PLB1: variants seen among roughly 807,000 people sequenced by gnomAD.
PLB1 encodes phospholipase B1.
In PLB1, 242 loss-of-function variants were observed where a neutral mutation model predicts 227.4. The ratio of observed to expected loss-of-function variants is 1.06; its 90% CI spans 0.96 to 1.18. The LOEUF (loss-of-function observed/expected upper bound fraction) is 1.18. Among genes scored for constraint, PLB1 ranks in the 50% most tolerant of loss-of-function variants. PLB1 has a pLI of 0.00. For missense variants in PLB1, 1,858 were observed against 1,816.3 expected (o/e 1.02, Z -0.42); for synonymous variants, 757 against 682.2 (o/e 1.11, Z -1.71).
intron 4 of PLB1, among the ~76,000 whole-genome samples, chr2:28,523,986 C>T (rs1215896018): frequency 6.6e-6 from 1 of 152,132 alleles, no homozygotes; most frequent in Non-Finnish European, 1.5e-5. Flanking sequence ...TGTTTGTCTC[C>T]CTGGGAGATT....
chr2:28,540,517 G>C (rs2148207324), intron 12 of PLB1, 76 bp downstream of exon 12: 1 of 1,216,658 alleles, frequency 8.2e-7, no homozygotes, highest in Non-Finnish European at 1.2e-6. Context: ...GAGTGATAGG[G>C]ACAATTAGTT....
intron 41 of PLB1, 93 bp from the exon 42 acceptor site, chr2:28,605,760 A>G (rs965623735): frequency 9.4e-5 from 85 of 901,370 alleles, no homozygotes; most frequent in Middle Eastern, 2.3e-4. Flanking sequence ...AGGGGAAGGA[A>G]GGTGTTGAGT....
chr2:28,601,478 C>A (rs1052266304), intron 37 of PLB1, 146 bp downstream of exon 37: 26 of 650,808 alleles, frequency 4.0e-5, no homozygotes, highest in Non-Finnish European at 6.1e-5. Context: ...ACCACACACA[C>A]ACACACACAC....
At chr2:28,548,552 T>A in intron 14 of PLB1, 1 of 497,208 alleles carries the variant, frequency 2.0e-6, no homozygotes. Flanking sequence ...GTGCAGCTTT[T>A]CCTTCTAGGA....
rs1558679642 is a variant in PLB1, at chr2:28,529,769, AAG to A, written c.462_463del (p.Asn155ProfsTer4). Reference sequence around the variant, plus strand: ...GCTCAAGAACTGGTGAGAAACATGAAAGAGAACCTGGTAAGCATCCGTCCAAC... The same window carrying A: ...GCTCAAGAACTGGTGAGAAACATGAAAGAACCTGGTAAGCATCCGTCCAAC... On this transcript the variant is annotated frameshift_variant, in exon 8 of 58. Transcript: ENST00000327757. LOFTEE classifies it high-confidence loss of function. 5 of 1,614,112 alleles carry A rather than the reference AAG, an allele frequency of 3.1e-6. No homozygotes were observed. Among genetic ancestry groups the A allele is most frequent in the African/African-American group, 2.7e-5 (2 of 75,038 alleles).
intron 2 of PLB1, among the ~76,000 whole-genome samples, 171 bp downstream of exon 2, chr2:28,517,040 A>T (rs551180232): frequency 3.3e-5 from 5 of 152,270 alleles, no homozygotes; most frequent in South Asian, 4.1e-4. Context: ...TGTCCGGCAG[A>T]GTGTGTGTCC....
intron 22 of PLB1, among the ~76,000 whole-genome samples, chr2:28,578,373 G>A (rs1319235938): frequency 6.6e-6 from 1 of 152,238 alleles, no homozygotes; most frequent in Non-Finnish European, 1.5e-5. Flanking sequence ...GGCTGGGGCT[G>A]CAGATGCACA....
At chr2:28,602,764 G>A (rs776748758) in intron 38 of PLB1, 57 bp from the exon 39 acceptor site, 12 of 1,500,646 alleles carry the variant, frequency 8.0e-6, no homozygotes, top group Non-Finnish European at 1.1e-5. Context: ...GGGGCCCTGA[G>A]ACAGCCCCAG....
chr2:28,636,272 C>T (rs898447158), intron 56 of PLB1, among the ~76,000 whole-genome samples: 15 of 152,232 alleles, frequency 9.9e-5, no homozygotes, highest in African/African-American at 3.6e-4. Flanking sequence ...TTGGCCAGGC[C>T]AGGCTGGTCT....
At chr2:28,505,186 T>C (rs1434842544) in intron 1 of PLB1, among the ~76,000 whole-genome samples, 1 of 152,182 alleles carries the variant, frequency 6.6e-6, no homozygotes, top group African/African-American at 2.4e-5. Flanking sequence ...AGGTAACTTA[T>C]CCAAAATCAT....
chr2:28,604,552 C>A, intron 40 of PLB1, 103 bp from the exon 41 acceptor site: 2 of 792,536 alleles, frequency 2.5e-6, no homozygotes, highest in East Asian at 5.5e-5. Flanking sequence ...TGAGTCGGCC[C>A]CTCCATCCAG....
At chr2:28,628,529 A>C (rs375199505) in intron 51 of PLB1, 34 bp from the exon 52 acceptor site, 3 of 1,604,046 alleles carry the variant, frequency 1.9e-6, no homozygotes, top group South Asian at 1.1e-5. Flanking sequence ...AGCGGGCACC[A>C]GGGGCTAAAG....
chr2:28,541,603 G>A (rs1672492194), intron 12 of PLB1, 104 bp from the exon 13 acceptor site: 2 of 792,900 alleles, frequency 2.5e-6, no homozygotes, highest in African/African-American at 1.7e-5. Context: ...CAACGCAAGA[G>A]GCAGATCCTG....
intron 6 of PLB1, among the ~76,000 whole-genome samples, chr2:28,528,892 G>A (rs1670628089): frequency 6.6e-6 from 1 of 151,302 alleles, no homozygotes; most frequent in African/African-American, 2.4e-5. Context: ...CCATGCCTTG[G>A]AATAGGGGCG....
intron 56 of PLB1, among the ~76,000 whole-genome samples, chr2:28,635,703 AG>A (rs1689212685): frequency 6.7e-6 from 1 of 149,562 alleles, no homozygotes; most frequent in African/African-American, 2.4e-5. Flanking sequence ...ACTTTTGCAA[AG>A]GCAAAGCCAG....
rs764773653 is a variant in PLB1, at chr2:28,518,431, C to T, written c.118-35C>T. On this transcript the variant is annotated intron_variant, in intron 2 of 57. Transcript: ENST00000327757. Reference sequence around the variant, plus strand: ...GGACCTGCAATATTTCTATACAAGGCAGTTGATGTTTCTGATGTTCGTTTT... The same window carrying T: ...GGACCTGCAATATTTCTATACAAGGTAGTTGATGTTTCTGATGTTCGTTTT... 4.7e-6 allele frequency: 7 copies of T among 1,491,524 alleles called. No homozygotes were observed. In the East Asian group the frequency reaches 9.0e-5, roughly 19 times the overall value. The allele number at this position is 1,491,524 out of a possible 1,614,324, so 92.4% of individuals were successfully genotyped here.
At chr2:28,503,848 C>T (rs150639476) in intron 1 of PLB1, among the ~76,000 whole-genome samples, 3,136 of 152,188 alleles carry the variant, frequency 0.021, 51 homozygotes, top group Middle Eastern at 0.058. Flanking sequence ...TCTGTAGTAG[C>T]CTGGATTCAA....
intron 12 of PLB1, 73 bp downstream of exon 12, chr2:28,540,514 A>G (rs1188459804): frequency 1.5e-5 from 18 of 1,225,240 alleles, no homozygotes; most frequent in Non-Finnish European, 2.1e-5. Flanking sequence ...CAGGAGTGAT[A>G]GGGACAATTA....
At chr2:28,591,056 C>T in intron 29 of PLB1, 77 bp from the exon 30 acceptor site, 2 of 1,578,624 alleles carry the variant, frequency 1.3e-6, no homozygotes, top group Non-Finnish European at 8.7e-7. Context: ...TTGTGCCAGG[C>T]CGACACTTAA....
Sources: gnomAD v4.1 joint callset for allele counts (sites outside exome capture counted in the v4.1 genomes callset) on GRCh38, gnomAD v4.1.1 for gene constraint, MANE v1.5 for transcripts, NCBI Gene and HGNC (gene_info 2026-07-23, HGNC 2026-07-21) for gene names.